The following ACAA1 variants were observed in gnomAD, a reference collection of about 807,000 sequenced individuals.
The protein encoded by ACAA1 is acetyl-CoA acyltransferase 1.
A neutral mutation model predicts 48.8 loss-of-function variants in ACAA1; 44 were observed. That is an observed-to-expected ratio of 0.90 (90% CI 0.71 to 1.16). The LOEUF (loss-of-function observed/expected upper bound fraction) is 1.16. ACAA1 is among the 50% of genes most tolerant of loss of function. The pLI is 0.00. For missense variants in ACAA1, 512 were observed against 562.3 expected (o/e 0.91, Z 0.90); for synonymous variants, 233 against 226.5 (o/e 1.03, Z -0.26).
chr3:38,125,918 C>A, intron 9 of ACAA1, 37 bp from the exon 10 acceptor site: 1 of 1,613,630 alleles, frequency 6.2e-7, no homozygotes. Flanking sequence ...GACACACTGG[C>A]CCTCTGCCTC....
At chr3:38,125,775 C>T in intron 10 of ACAA1, 51 bp downstream of exon 10, 3 of 1,614,188 alleles carry the variant, frequency 1.9e-6, no homozygotes, top group East Asian at 2.2e-5. Flanking sequence ...TGCCCGCTCA[C>T]TCCACCTCGG....
rs1221989328 is a variant in ACAA1 at position 38,122,715 on chromosome 3, T to C, written c.*332A>G. 7.3e-7 allele frequency: 1 copy of C among 1,373,558 alleles called. No homozygotes were observed. Among genetic ancestry groups the C allele is most frequent in the East Asian group, 2.7e-5 (1 of 36,922 alleles). The allele number at this position is 1,373,558 out of a possible 1,614,324, so 85.1% of individuals were successfully genotyped here. A position where few individuals can be genotyped will look rare whatever the true frequency, so the allele number is the denominator to read the frequency against. Reference sequence around the variant, plus strand: ...TGGAAAAAAACCACAGCCACTAAGATAAATTCATGCACTTTTACTATGCCC... The same window carrying C: ...TGGAAAAAAACCACAGCCACTAAGACAAATTCATGCACTTTTACTATGCCC... On this transcript the variant is annotated 3_prime_UTR_variant, in exon 12 of 12. Coordinates refer to ENST00000333167, the MANE Select transcript of ACAA1 (RefSeq NM_001607.4).
At position 38,126,384 on chromosome 3, in the gene ACAA1, TGAG is replaced by T; in HGVS notation, c.818-46_818-44del. The T allele has an allele frequency of 6.2e-7, 1 of 1,606,554 alleles. No homozygotes were observed. The highest frequency in any genetic ancestry group is 8.5e-7 in the Non-Finnish European group (1 of 1,175,464). On this transcript the variant is annotated intron_variant, in intron 8 of 11. Transcript: ENST00000333167. The surrounding 1 kb of genome is among the most constrained non-coding windows in gnomAD (Gnocchi z 4.7). ...GGGTAAGAAGGCATCGGGGTGGGGA[TGAG>T]GAGATCCCAGCCCTCCCACTTCTAC... is the stretch of plus-strand genomic sequence containing the variant.
At chr3:38,136,469 C>T (rs991492944) in intron 2 of ACAA1, 123 bp downstream of exon 2, 8 of 970,430 alleles carry the variant, frequency 8.2e-6, no homozygotes, top group Non-Finnish European at 1.3e-5. Context: ...GGGGCAGGAC[C>T]CCTTCAAAGG....
chr3:38,123,229 G>T, intron 11 of ACAA1, 107 bp from the exon 12 acceptor site: 2 of 1,104,240 alleles, frequency 1.8e-6, no homozygotes, highest in Non-Finnish European at 2.7e-6. Context: ...AAAACCATCA[G>T]ACCAGATCTG....
rs752593460 is a variant in ACAA1 at position 38,137,062 on chromosome 3, C to T, written c.-27G>A. 6.6e-7 allele frequency: 1 copy of T among 1,523,550 alleles called. No individual in the cohort carries two copies. The highest frequency in any genetic ancestry group is 1.2e-5 in the South Asian group (1 of 81,128). The allele number at this position is 1,523,550 out of a possible 1,614,324, so 94.4% of individuals were successfully genotyped here. A position where few individuals can be genotyped will look rare whatever the true frequency, so the allele number is the denominator to read the frequency against. On this transcript the variant is annotated 5_prime_UTR_variant, in exon 1 of 12. Coordinates refer to ENST00000333167, the MANE Select transcript of ACAA1 (RefSeq NM_001607.4). ...GCGCAGGTCAACCCTGCAGACCAGC[C>T]ACCAGTCCGGGAACTGACCGCGGAG...
intron 5 of ACAA1, among the ~76,000 whole-genome samples, chr3:38,130,990 G>A (rs542146668): frequency 2.1e-4 from 32 of 152,334 alleles, no homozygotes; most frequent in African/African-American, 6.7e-4. Context: ...GGGCACCTGT[G>A]CCCTGACCTT....
At chr3:38,130,498 A>G (rs758283271) in intron 5 of ACAA1, among the ~76,000 whole-genome samples, 4 of 152,194 alleles carry the variant, frequency 2.6e-5, no homozygotes, top group Non-Finnish European at 4.4e-5. Context: ...TTCCAACTAG[A>G]GTGCCCTGTG....
chr3:38,135,351 G>A (rs1362535067), intron 2 of ACAA1: 13 of 151,986 alleles, frequency 8.6e-5, no homozygotes, highest in Non-Finnish European at 2.9e-5. Context: ...GGGCCCAGGG[G>A]ACTGGTGCTC....
intron 11 of ACAA1, 57 bp from the exon 12 acceptor site, chr3:38,123,179 C>T: frequency 6.5e-7 from 1 of 1,527,150 alleles, no homozygotes; most frequent in South Asian, 1.1e-5. Context: ...TACCTCCAGA[C>T]CAGGCTGACC....
In ACAA1 at chr3:38,136,899, G is replaced by A. The variant is rs772795388; in HGVS notation, c.137C>T (p.Thr46Met). 1 of 1,533,198 alleles carries A rather than the reference G, an allele frequency of 6.5e-7. No individual in the cohort carries two copies. The highest frequency in any genetic ancestry group is 1.2e-5 in the South Asian group (1 of 83,682). The allele number at this position is 1,533,198 out of a possible 1,614,324, so 95.0% of individuals were successfully genotyped here. A position where few individuals can be genotyped will look rare whatever the true frequency, so the allele number is the denominator to read the frequency against. The change falls in exon 1 of 12, where the codon ACG (threonine) becomes ATG (methionine). Residue 46 changes from threonine (T) to methionine (M), a missense_variant. Coordinates refer to ENST00000333167, the MANE Select transcript of ACAA1 (RefSeq NM_001607.4). ...GCCGCGGCCCGCCCGGCAGATGGCCGTGCGCCGCCCGTGCACCACCACCAC... is the reference window on the plus strand; with the variant it reads ...GCCGCGGCCCGCCCGGCAGATGGCCATGCGCCGCCCGTGCACCACCACCAC... ...ADVVVVHGRR[T>M]AICRAGRGGF... is the part of the protein sequence containing the mutation.
Position 38,126,689 on chromosome 3 carries a change from G to A in ACAA1, c.638C>T (p.Ala213Val). The A allele has an allele frequency of 6.2e-7, 1 of 1,613,502 alleles. No individual in the cohort carries two copies. Among genetic ancestry groups the A allele is most frequent in the South Asian group, 1.1e-5 (1 of 91,058 alleles). The change falls in exon 8 of 12, where the codon GCC (alanine) becomes GTC (valine). Residue 213 changes from alanine to valine, a missense_variant. Ala to Val is a moderately conservative substitution (Grantham distance 64). Transcript: ENST00000333167. This position sits in a 1 kb window ranked among gnomAD's most constrained non-coding sequence, Gnocchi z 4.7. ...AGCTTGGAAACAGCCCTTGCTCTGG[G>A]CTCTTGCTGCCCTGCCAGCACCATG... ...ALASQQKAARAQSKGCFQAEI... is the reference protein window; with the variant it reads ...ALASQQKAARVQSKGCFQAEI...
intron 3 of ACAA1, 77 bp downstream of exon 3, chr3:38,133,875 C>T: frequency 6.7e-7 from 1 of 1,492,410 alleles, no homozygotes; most frequent in Non-Finnish European, 9.3e-7. Flanking sequence ...CCCCAACCTG[C>T]ACACTGAGTT....
intron 5 of ACAA1, among the ~76,000 whole-genome samples, chr3:38,131,040 T>G (rs1303018596): frequency 6.6e-6 from 1 of 152,154 alleles, no homozygotes; most frequent in African/African-American, 2.4e-5. Context: ...GCAGCTCCAT[T>G]TGCTGCAGCC....
Position 38,131,955 on chromosome 3 carries a change from G to A in ACAA1, c.374C>T (p.Ser125Leu), listed in dbSNP as rs1156702815. Residue 125 changes from serine to leucine, a missense_variant, in exon 4 of 12, where the codon TCG (serine) becomes TTG (leucine). Physicochemically the swap from Ser to Leu is moderately radical, Grantham distance 145. Coordinates refer to ENST00000333167, the MANE Select transcript of ACAA1 (RefSeq NM_001607.4). ...TATGCTGGCCACTGCCTGTAGCCCC[G>A]ACGAACACTGTCTATTGACAGTGGA... The part of the protein sequence containing the change: ...PLSTVNRQCS[S>L]GLQAVASIAG... 6.2e-6 allele frequency: 10 copies of A among 1,613,912 alleles called. No homozygotes were observed. The highest frequency in any genetic ancestry group is 1.1e-5 in the South Asian group (1 of 91,026).
chr3:38,122,742 T>A lies in ACAA1; in HGVS notation c.*305A>T. 7.7e-7 allele frequency: 1 copy of A among 1,291,014 alleles called. No homozygotes were observed. Among genetic ancestry groups the A allele is most frequent in the East Asian group, 2.7e-5 (1 of 36,460 alleles). The allele number at this position is 1,291,014 out of a possible 1,614,324, so 80.0% of individuals were successfully genotyped here. A position where few individuals can be genotyped will look rare whatever the true frequency, so the allele number is the denominator to read the frequency against. On this transcript the variant is annotated 3_prime_UTR_variant, in exon 12 of 12. Coordinates refer to ENST00000333167, the MANE Select transcript of ACAA1 (RefSeq NM_001607.4). Reference sequence around the variant, plus strand: ...AATTCATGCACTTTTACTATGCCCATTGCACTTCTCATCCATGGATTTGCC... The same window carrying A: ...AATTCATGCACTTTTACTATGCCCAATGCACTTCTCATCCATGGATTTGCC...
At chr3:38,123,207 C>A in intron 11 of ACAA1, 85 bp from the exon 12 acceptor site, 1 of 1,341,710 alleles carries the variant, frequency 7.5e-7, no homozygotes, top group Non-Finnish European at 1.1e-6. Context: ...ACGTCATGGA[C>A]AAGTAGGATG....
chr3:38,129,277 T>C lies in ACAA1; in HGVS notation c.545+13A>G, dbSNP rs1700739208. The C allele has an allele frequency of 5.0e-6, 8 of 1,610,098 alleles. No individual in the cohort carries two copies. Among genetic ancestry groups the C allele is most frequent in the Non-Finnish European group, 6.8e-6 (8 of 1,176,628 alleles). On this transcript the variant is annotated intron_variant, in intron 6 of 11. Coordinates refer to ENST00000333167, the MANE Select transcript of ACAA1 (RefSeq NM_001607.4). The surrounding 1 kb of genome is among the most constrained non-coding windows in gnomAD (Gnocchi z 5.3). ...GAGAGGGCACAAGCACACAGAGCTATGGGAGCACTCACCCCATAGGAATCA... is the reference window on the plus strand; with the variant it reads ...GAGAGGGCACAAGCACACAGAGCTACGGGAGCACTCACCCCATAGGAATCA...
At position 38,122,917 on chromosome 3, in the gene ACAA1, T is replaced by C. The variant is rs1210624979; in HGVS notation, c.*130A>G. 2 of 952,208 alleles carry C rather than the reference T, an allele frequency of 2.1e-6. No individual in the cohort carries two copies. The highest frequency in any genetic ancestry group is 3.2e-6 in the Non-Finnish European group (2 of 626,798). The allele number at this position is 952,208 out of a possible 1,614,324, so 59.0% of individuals were successfully genotyped here. Reference sequence around the variant, plus strand: ...TTCACATTTTCCAAATGAGTTGAAGTGCCTTGATCTGTCCACTGCCACCAC... The same window carrying C: ...TTCACATTTTCCAAATGAGTTGAAGCGCCTTGATCTGTCCACTGCCACCAC... On this transcript the variant is annotated 3_prime_UTR_variant, in exon 12 of 12. Coordinates refer to ENST00000333167, the MANE Select transcript of ACAA1 (RefSeq NM_001607.4).
Sources: allele counts gnomAD v4.1 joint callset (sites outside exome capture counted in the v4.1 genomes callset), GRCh38; gene constraint gnomAD v4.1.1; non-coding constraint Gnocchi (gnomAD v3.1); transcripts MANE v1.5; gene names NCBI Gene and HGNC (gene_info 2026-07-23, HGNC 2026-07-21).